Variants in MCTS2 observed in about 807,000 individuals in gnomAD.
The protein encoded by MCTS2 is malignant T-cell-amplified sequence 2.
At chr20:31,548,044 A>C in the MCTS2 span, 1 of 1,573,922 alleles carries the variant, frequency 6.4e-7, no homozygotes, top group Non-Finnish European at 8.7e-7. Context: ...GAAGACATAT[A>C]AATGAGCCTC....
the MCTS2 span, chr20:31,547,528 GA>G: frequency 1.3e-6 from 1 of 799,006 alleles, no homozygotes; most frequent in South Asian, 1.5e-5. Context: ...TGATGAAAAG[GA>G]AAGTGTGTCC....
At chr20:31,547,924 C>T in the MCTS2 span, 1 of 1,242,302 alleles carries the variant, frequency 8.0e-7, no homozygotes, top group Non-Finnish European at 1.2e-6. Flanking sequence ...AGGAAAACAG[C>T]ATGCTCTGTG....
the MCTS2 span, chr20:31,547,559 C>T: frequency 9.8e-5 from 105 of 1,073,844 alleles, 2 homozygotes; most frequent in South Asian, 1.3e-3. Flanking sequence ...CAGTTGAAAA[C>T]GTCAGTTATT....
chr20:31,547,805 C>A, the MCTS2 span: 2 of 954,592 alleles, frequency 2.1e-6, no homozygotes, highest in Non-Finnish European at 3.4e-6. Context: ...GATAAAGGAG[C>A]TATCAAATTT....
the MCTS2 span, chr20:31,547,800 A>G: frequency 2.0e-4 from 191 of 951,618 alleles, 1 homozygote; most frequent in Middle Eastern, 4.3e-4. Context: ...AGGTTGATAA[A>G]GGAGCTATCA....
the MCTS2 span, chr20:31,547,889 A>G: frequency 1.9e-6 from 2 of 1,036,846 alleles, no homozygotes; most frequent in South Asian, 1.3e-5. Flanking sequence ...GCTGCAGTAG[A>G]TACGATTGTA....
chr20:31,547,497 C>A, the MCTS2 span: 1 of 691,452 alleles, frequency 1.4e-6, no homozygotes, highest in Non-Finnish European at 2.5e-6. Context: ...CCGCTTCACC[C>A]TGGATCATGT....
chr20:31,547,738 T>G, the MCTS2 span: 1 of 1,049,908 alleles, frequency 9.5e-7, no homozygotes, highest in Non-Finnish European at 1.4e-6. Flanking sequence ...GGGGCCTTTT[T>G]GTCCAACTCT....
the MCTS2 span, chr20:31,547,731 GCCTTTTTGTCCAACT>G: frequency 8.9e-7 from 1 of 1,119,526 alleles, no homozygotes; most frequent in South Asian, 1.3e-5. Flanking sequence ...AAAGAAAGGG[GCCTTTTTGTCCAACT>G]CTAAGGTTGC....
the MCTS2 span, chr20:31,547,649 C>G: frequency 1.3e-6 from 2 of 1,567,520 alleles, no homozygotes; most frequent in South Asian, 2.4e-5. Context: ...AAGAAAGATC[C>G]TGTCAAAATA....
At chr20:31,547,869 G>A in the MCTS2 span, 1 of 979,918 alleles carries the variant, frequency 1.0e-6, no homozygotes, top group Non-Finnish European at 1.7e-6. Flanking sequence ...CTGGAGCTAA[G>A]CTGTACCCTG....
chr20:31,547,533 T>C, the MCTS2 span: 4 of 812,334 alleles, frequency 4.9e-6, no homozygotes, highest in African/African-American at 7.1e-5. Context: ...AAAAGGAAAG[T>C]GTGTCCAACT....
chr20:31,547,489 G>C, the MCTS2 span: 1 of 650,878 alleles, frequency 1.5e-6, no homozygotes, highest in Non-Finnish European at 2.7e-6. Flanking sequence ...GTTGTCGCCC[G>C]CTTCACCCTG....
chr20:31,548,060 G>C, the MCTS2 span: 1 of 1,528,546 alleles, frequency 6.5e-7, no homozygotes, highest in Non-Finnish European at 9.1e-7. Flanking sequence ...GCCTCAGAAG[G>C]AATGCATTTG....
the MCTS2 span, chr20:31,547,475 C>G: frequency 9.7e-6 from 6 of 618,046 alleles, no homozygotes; most frequent in Non-Finnish European, 1.7e-5. Context: ...CCGTTTGTTT[C>G]CCTGTTGTCG....
At chr20:31,547,966 A>G in the MCTS2 span, 1 of 1,535,126 alleles carries the variant, frequency 6.5e-7, no homozygotes. Flanking sequence ...TGCAGAAGAT[A>G]TTGAGAAAGT....
the MCTS2 span, chr20:31,547,858 C>G: frequency 2.1e-6 from 2 of 967,916 alleles, no homozygotes; most frequent in South Asian, 2.6e-5. Context: ...TTTAACTTCT[C>G]CTGGAGCTAA....
At chr20:31,547,756 C>A in the MCTS2 span, 1 of 987,592 alleles carries the variant, frequency 1.0e-6, no homozygotes, top group Non-Finnish European at 1.6e-6. Flanking sequence ...TCTAAGGTTG[C>A]TTCACAAATA....
At chr20:31,547,467 G>T in the MCTS2 span, 1 of 602,416 alleles carries the variant, frequency 1.7e-6, no homozygotes, top group Non-Finnish European at 2.9e-6. Flanking sequence ...TGCCAATTCC[G>T]TTTGTTTCCC....
Sources: allele counts gnomAD v4.1 joint callset, GRCh38; gene constraint gnomAD v4.1.1; transcripts MANE v1.5; gene names NCBI Gene and HGNC (gene_info 2026-07-23, HGNC 2026-07-21).